RLIG1: variants seen among roughly 807,000 people sequenced by gnomAD.
RLIG1 encodes the protein RNA 5'-phosphate and 3'-OH ligase 1.
chr12:88,047,215 C>T, the RLIG1 span, among the ~76,000 whole-genome samples: 1 of 152,080 alleles, frequency 6.6e-6, no homozygotes, highest in African/African-American at 2.4e-5. Flanking sequence ...AACTATATAT[C>T]CCCTGCGTGG....
chr12:88,041,487 G>A, the RLIG1 span, among the ~76,000 whole-genome samples: 1 of 152,126 alleles, frequency 6.6e-6, no homozygotes, highest in African/African-American at 2.4e-5. Context: ...TTTTTGAGGA[G>A]CCACTATACT....
At chr12:88,042,864 A>C in the RLIG1 span, 1 of 1,567,958 alleles carries the variant, frequency 6.4e-7, no homozygotes, top group South Asian at 1.2e-5. Context: ...AGAAAACCCA[A>C]CAAACAAGCT....
At chr12:88,048,885 A>T in the RLIG1 span, 1 of 216,250 alleles carries the variant, frequency 4.6e-6, no homozygotes, top group Non-Finnish European at 8.9e-6. Flanking sequence ...CTCCAATTTT[A>T]AATCTTAAAA....
the RLIG1 span, chr12:88,036,089 C>A: frequency 7.4e-7 from 1 of 1,359,388 alleles, no homozygotes; most frequent in South Asian, 1.2e-5. Flanking sequence ...TGCCACAGTC[C>A]AAGCTTTACT....
the RLIG1 span, chr12:88,045,221 G>A: frequency 1.6e-5 from 3 of 192,388 alleles, no homozygotes; most frequent in East Asian, 2.9e-4. Context: ...ACTGCATTAT[G>A]TCCATTGTCC....
chr12:88,048,356 T>TAATC, the RLIG1 span: 2 of 1,598,348 alleles, frequency 1.3e-6, no homozygotes, highest in Non-Finnish European at 1.7e-6. Context: ...AGTGTTTGTT[T>TAATC]AATCATTTTT....
chr12:88,048,582 T>C, the RLIG1 span: 9 of 488,538 alleles, frequency 1.8e-5, no homozygotes, highest in Non-Finnish European at 3.0e-5. Flanking sequence ...CAAAATTTTA[T>C]TAAAAACCAG....
chr12:88,048,570 T>C, the RLIG1 span: 4 of 528,554 alleles, frequency 7.6e-6, no homozygotes, highest in South Asian at 4.5e-5. Context: ...CAAGTACCTA[T>C]TCAAAATTTT....
At chr12:88,046,833 C>T in the RLIG1 span, 2 of 1,611,322 alleles carry the variant, frequency 1.2e-6, no homozygotes, top group Non-Finnish European at 1.7e-6. Context: ...ACATCCATTA[C>T]ATCTTCTTAT....
chr12:88,043,004 C>A, the RLIG1 span: 1 of 685,830 alleles, frequency 1.5e-6, no homozygotes. Context: ...ACATTATATC[C>A]TTCTGTGTAA....
At chr12:88,048,352 T>C in the RLIG1 span, 1 of 1,599,908 alleles carries the variant, frequency 6.3e-7, no homozygotes, top group Non-Finnish European at 8.5e-7. Flanking sequence ...ATTAAGTGTT[T>C]GTTTAATCAT....
chr12:88,046,866 A>G, the RLIG1 span: 3 of 1,613,208 alleles, frequency 1.9e-6, no homozygotes, highest in Non-Finnish European at 2.5e-6. Context: ...ATTTCAAATA[A>G]GAAATCTACC....
the RLIG1 span, among the ~76,000 whole-genome samples, chr12:88,041,018 T>C: frequency 6.6e-6 from 1 of 152,170 alleles, no homozygotes; most frequent in African/African-American, 2.4e-5. Context: ...TAAGTATGTT[T>C]ACATTGTTGT....
chr12:88,049,507 A>C, the RLIG1 span: 1 of 707,664 alleles, frequency 1.4e-6, no homozygotes, highest in East Asian at 2.7e-5. Context: ...TGAAAGCCAA[A>C]GTATTCCTGA....
chr12:88,048,912 C>T, the RLIG1 span: 12 of 253,948 alleles, frequency 4.7e-5, no homozygotes, highest in Non-Finnish European at 8.0e-5. Context: ...AATTTACCCT[C>T]ATATTCTTTA....
the RLIG1 span, chr12:88,048,608 C>A: frequency 2.4e-6 from 1 of 422,612 alleles, no homozygotes; most frequent in Non-Finnish European, 4.0e-6. Context: ...TAATTTTAAT[C>A]TCTAGCCATA....
chr12:88,048,166 T>A, the RLIG1 span: 1 of 1,271,010 alleles, frequency 7.9e-7, no homozygotes, highest in Non-Finnish European at 1.0e-6. Context: ...CAGTGGGCAC[T>A]CAAATATTTC....
the RLIG1 span, chr12:88,035,833 T>C: frequency 6.5e-7 from 1 of 1,540,708 alleles, no homozygotes; most frequent in Non-Finnish European, 8.8e-7. Flanking sequence ...CTGGGCGCTT[T>C]AGAACTGCCC....
chr12:88,040,045 A>G, the RLIG1 span: 1 of 712,704 alleles, frequency 1.4e-6, no homozygotes, highest in Non-Finnish European at 2.5e-6. Flanking sequence ...ACTGGAGATC[A>G]TTCCTTAAAA....
Sources: allele counts gnomAD v4.1 joint callset (sites outside exome capture counted in the v4.1 genomes callset), GRCh38; gene constraint gnomAD v4.1.1; transcripts MANE v1.5; gene names NCBI Gene and HGNC (gene_info 2026-07-23, HGNC 2026-07-21).